Variants in SLC8A1 observed in about 807,000 individuals in gnomAD.
SLC8A1 encodes the protein sodium/calcium exchanger 1.
Under a neutral mutation model 68.3 loss-of-function variants are expected in SLC8A1, and 18 were observed. The ratio of observed to expected loss-of-function variants is 0.26; its 90% CI spans 0.18 to 0.39. SLC8A1 has a LOEUF of 0.39. SLC8A1 is among the 10% of genes least tolerant of loss of function. The pLI is 1.00. For synonymous variants in SLC8A1, 475 were observed against 415.5 expected, an observed-to-expected ratio of 1.14 and a Z score of -1.74; for missense variants, 985 against 1,156.7, an observed-to-expected ratio of 0.85 and a Z score of 2.15.
intron 2 of SLC8A1, among the ~76,000 whole-genome samples, chr2:40,308,788 G>T (rs2149296455): frequency 6.6e-6 from 1 of 152,266 alleles, no homozygotes; most frequent in East Asian, 1.9e-4. Flanking sequence ...TAGCTCCACT[G>T]AGAACGCTGC....
chr2:40,376,345 T>C (rs543708962), intron 2 of SLC8A1, among the ~76,000 whole-genome samples: 2 of 152,244 alleles, frequency 1.3e-5, no homozygotes, highest in South Asian at 2.1e-4. Context: ...GGATTAGAGA[T>C]AGACAGTAGC....
chr2:40,268,019 C>T (rs184137290), intron 2 of SLC8A1, among the ~76,000 whole-genome samples: 14 of 152,264 alleles, frequency 9.2e-5, no homozygotes, highest in South Asian at 6.2e-4. Context: ...TGTTGAATTA[C>T]GATGGGCATT....
At chr2:40,185,095 A>C (rs2050462671) in intron 2 of SLC8A1, among the ~76,000 whole-genome samples, 1 of 152,188 alleles carries the variant, frequency 6.6e-6, no homozygotes, top group Admixed American at 6.5e-5. Flanking sequence ...TACGATAAAA[A>C]AGACAGACAA....
chr2:40,471,919 A>G (rs941140813), intron 1 of SLC8A1, among the ~76,000 whole-genome samples: 1 of 152,198 alleles, frequency 6.6e-6, no homozygotes, highest in Non-Finnish European at 1.5e-5. Flanking sequence ...ATCCAGCTAC[A>G]ATGCATCATC....
intron 2 of SLC8A1, among the ~76,000 whole-genome samples, chr2:40,389,024 A>C (rs963417842): frequency 3.3e-5 from 5 of 152,144 alleles, no homozygotes; most frequent in African/African-American, 4.8e-5. Context: ...ATAAATACAT[A>C]CGTATATATG....
chr2:40,131,630 A>G (rs2148208470), intron 7 of SLC8A1, among the ~76,000 whole-genome samples: 1 of 152,294 alleles, frequency 6.6e-6, no homozygotes, highest in East Asian at 1.9e-4. Context: ...TTCTGCTCAG[A>G]GATCTAGAAC....
chr2:40,169,551 C>T (rs2047100971), intron 4 of SLC8A1, among the ~76,000 whole-genome samples: 1 of 152,148 alleles, frequency 6.6e-6, no homozygotes, highest in African/African-American at 2.4e-5. Flanking sequence ...TGGAGAAACC[C>T]CACAGATGTA....
intron 2 of SLC8A1, among the ~76,000 whole-genome samples, chr2:40,357,328 C>A (rs1036963838): frequency 2.6e-5 from 4 of 151,150 alleles, no homozygotes; most frequent in Non-Finnish European, 4.4e-5. Flanking sequence ...CCTGTCTCTA[C>A]AAAACATTTT....
chr2:40,181,402 G>T (rs1274707250), intron 2 of SLC8A1, among the ~76,000 whole-genome samples: 1 of 152,152 alleles, frequency 6.6e-6, no homozygotes, highest in Non-Finnish European at 1.5e-5. Context: ...AGAAAATTTT[G>T]AAGTACTTGA....
At chr2:40,221,208 G>C (rs1255314403) in intron 2 of SLC8A1, among the ~76,000 whole-genome samples, 1 of 152,108 alleles carries the variant, frequency 6.6e-6, no homozygotes, top group African/African-American at 2.4e-5. Context: ...TCATCCCTGG[G>C]ATGCAAGGGT....
At chr2:40,151,771 A>C (rs2043483115) in intron 6 of SLC8A1, among the ~76,000 whole-genome samples, 1 of 152,184 alleles carries the variant, frequency 6.6e-6, no homozygotes. Flanking sequence ...TTTTCTAGGG[A>C]AAAAAGCTTC....
chr2:40,489,788 C>A (rs570905845), intron 1 of SLC8A1, among the ~76,000 whole-genome samples: 7 of 152,040 alleles, frequency 4.6e-5, no homozygotes, highest in African/African-American at 1.7e-4. Context: ...TGGGGTTAGT[C>A]TCTGAGCATG....
chr2:40,218,701 T>C (rs1284549083), intron 2 of SLC8A1, among the ~76,000 whole-genome samples: 1 of 149,658 alleles, frequency 6.7e-6, no homozygotes, highest in Non-Finnish European at 1.5e-5. Context: ...TAATGCTTTA[T>C]GAAAGATGAA....
At chr2:40,444,823 G>A (rs1701135031) in intron 1 of SLC8A1, among the ~76,000 whole-genome samples, 1 of 152,172 alleles carries the variant, frequency 6.6e-6, no homozygotes, top group Admixed American at 6.5e-5. Flanking sequence ...TATAACACCA[G>A]AGTTGATAAA....
chr2:40,445,816 A>T (rs1262796510), intron 1 of SLC8A1, among the ~76,000 whole-genome samples: 11 of 152,186 alleles, frequency 7.2e-5, no homozygotes, highest in Non-Finnish European at 1.5e-4. Flanking sequence ...AACATTTGAA[A>T]GATCATTTTG....
intron 6 of SLC8A1, among the ~76,000 whole-genome samples, chr2:40,153,872 T>C (rs2043918902): frequency 6.6e-6 from 1 of 152,234 alleles, no homozygotes; most frequent in Non-Finnish European, 1.5e-5. Flanking sequence ...CCTTCTGCAC[T>C]TCTGTCCCAG....
intron 6 of SLC8A1, among the ~76,000 whole-genome samples, chr2:40,145,550 C>G (rs1196418454): frequency 6.6e-6 from 1 of 152,168 alleles, no homozygotes. Flanking sequence ...TTTTTTGCAA[C>G]CTGACATACA....
At chr2:40,474,891 T>G (rs1704187460) in intron 1 of SLC8A1, among the ~76,000 whole-genome samples, 1 of 152,166 alleles carries the variant, frequency 6.6e-6, no homozygotes, top group Non-Finnish European at 1.5e-5. Flanking sequence ...ATCATCTAAG[T>G]CTACATTAAA....
exon 7 of SLC8A1, chr2:40,139,522 G>A (rs774467752): frequency 3.1e-6 from 5 of 1,614,174 alleles, no homozygotes; most frequent in South Asian, 2.2e-5. Context: ...CAATCATGAG[G>A]ATGGAGACAA....
Sources: allele counts gnomAD v4.1 joint callset (sites outside exome capture counted in the v4.1 genomes callset), GRCh38; gene constraint gnomAD v4.1.1; transcripts MANE v1.5; gene names NCBI Gene and HGNC (gene_info 2026-07-23, HGNC 2026-07-21).